Variants in CRACD observed in about 807,000 individuals in gnomAD.
CRACD encodes capping protein inhibiting regulator of actin dynamics, also known as capping protein-inhibiting regulator of actin dynamics.
A neutral mutation model predicts 106.8 loss-of-function variants in CRACD; 56 were observed. The observed-to-expected ratio is 0.52, with a 90% CI of 0.42 to 0.66. The LOEUF is 0.66. Among genes scored for constraint, CRACD ranks in the 30% least tolerant of loss-of-function variants. The pLI is 0.00. For synonymous variants in CRACD, 754 were observed against 670.8 expected (o/e 1.12, Z -1.92); for missense variants, 1,730 against 1,623.2 (o/e 1.07, Z -1.13).
intron 1 of CRACD, among the ~76,000 whole-genome samples, chr4:56,054,321 T>C (rs1356615402): frequency 2.0e-5 from 3 of 152,082 alleles, no homozygotes; most frequent in Admixed American, 1.3e-4. Flanking sequence ...GCTGGGACCA[T>C]AGGCGCATGC....
At chr4:56,060,399 G>A (rs183535294) in intron 1 of CRACD, among the ~76,000 whole-genome samples, 6 of 152,248 alleles carry the variant, frequency 3.9e-5, no homozygotes, top group African/African-American at 1.4e-4. Flanking sequence ...TAACAGGGTA[G>A]AATAAGGGAA....
intron 1 of CRACD, among the ~76,000 whole-genome samples, chr4:56,128,602 A>G (rs1734728692): frequency 6.6e-6 from 1 of 152,194 alleles, no homozygotes; most frequent in Non-Finnish European, 1.5e-5. Flanking sequence ...AAATTGATGG[A>G]TAAATGATGT....
intron 3 of CRACD, among the ~76,000 whole-genome samples, chr4:56,294,672 G>C (rs1279969965): frequency 6.6e-6 from 1 of 152,088 alleles, no homozygotes; most frequent in Non-Finnish European, 1.5e-5. Context: ...CCAGTACTTT[G>C]GGAGGCCAAG....
chr4:56,223,662 A>G (rs890765214), intron 2 of CRACD, among the ~76,000 whole-genome samples: 2 of 152,086 alleles, frequency 1.3e-5, no homozygotes, highest in East Asian at 1.9e-4. Flanking sequence ...GAAATTCTCA[A>G]ATGTATTTGG....
At chr4:56,164,012 G>A (rs151149415) in intron 1 of CRACD, among the ~76,000 whole-genome samples, 1 of 152,228 alleles carries the variant, frequency 6.6e-6, no homozygotes. Context: ...CTCCCAAAGT[G>A]CTGGGATTAC....
In CRACD at chr4:56,169,923, CAT is replaced by C. The variant is rs377055629; in HGVS notation, c.-335-9358_-335-9357del. Among the ~76,000 whole-genome samples, 474 of 152,264 alleles carry C rather than the reference CAT, an allele frequency of 3.1e-3. 5 individuals are homozygous for C. The highest frequency in any genetic ancestry group is 0.011 in the African/African-American group (464 of 41,538). On this transcript the variant is annotated intron_variant, in intron 1 of 10. Transcript: ENST00000682029. ...AAATAAAGAAGCAGATCAGTTTACT[CAT>C]ATGTAATTCAAACAACCAGCAGGGG...
intron 10 of CRACD, among the ~76,000 whole-genome samples, chr4:56,325,325 T>C (rs1746370641): frequency 6.6e-6 from 1 of 152,048 alleles, no homozygotes; most frequent in East Asian, 1.9e-4. Context: ...ACAGACTGTC[T>C]CAAAAACAAC....
At chr4:56,279,162 A>C (rs2109665639) in intron 3 of CRACD, among the ~76,000 whole-genome samples, 1 of 152,300 alleles carries the variant, frequency 6.6e-6, no homozygotes, top group Admixed American at 6.5e-5. Flanking sequence ...AAATGTGACT[A>C]CACCCACTGT....
intron 2 of CRACD, among the ~76,000 whole-genome samples, chr4:56,228,391 A>T (rs1739426971): frequency 6.6e-6 from 1 of 152,164 alleles, no homozygotes; most frequent in South Asian, 2.1e-4. Flanking sequence ...GTTAAAATAT[A>T]TAGTTCAGTC....
In CRACD at chr4:56,125,897, G is replaced by A. The variant is rs552706272; in HGVS notation, c.-335-53387G>A. 1.1e-4 allele frequency among the ~76,000 whole-genome samples: 16 copies of A among 148,968 alleles called. No homozygotes were observed. The East Asian group carries it at 1.4e-3, about 13-fold the overall frequency. On this transcript the variant is annotated intron_variant, in intron 1 of 10. Coordinates refer to ENST00000682029, the MANE Select transcript of CRACD (RefSeq NM_001393381.1). ...AGTGATTCTCCTGCCTCAGCCTCCC[G>A]AGTAGCTGGGATTACAGGTGCGTGC...
At chr4:56,097,645 A>G (rs1198257750) in intron 1 of CRACD, 6 of 152,500 alleles carry the variant, frequency 3.9e-5, no homozygotes, top group Admixed American at 2.0e-4. Flanking sequence ...GTGCAAGGAC[A>G]TGATTGTGAT....
chr4:56,195,389 T>TA (rs1213852845), intron 2 of CRACD, among the ~76,000 whole-genome samples: 1 of 152,058 alleles, frequency 6.6e-6, no homozygotes, highest in African/African-American at 2.4e-5. Context: ...GAAATGCAGA[T>TA]AAATGAATGC....
chr4:56,322,658 C>T (rs1746174833), intron 8 of CRACD, among the ~76,000 whole-genome samples: 1 of 152,158 alleles, frequency 6.6e-6, no homozygotes, highest in South Asian at 2.1e-4. Context: ...TTTCATCTTT[C>T]CAACATTGGA....
intron 2 of CRACD, among the ~76,000 whole-genome samples, chr4:56,190,110 A>G (rs1355176264): frequency 4.7e-5 from 7 of 150,200 alleles, no homozygotes; most frequent in Admixed American, 1.3e-4. Context: ...GAGAATGATG[A>G]TTTCCAATTT....
chr4:56,086,609 G>A (rs985550672), intron 1 of CRACD, among the ~76,000 whole-genome samples: 110 of 152,120 alleles, frequency 7.2e-4, no homozygotes, highest in African/African-American at 2.5e-3. Flanking sequence ...TCTAATCCAT[G>A]CAAATCCAGT....
intron 2 of CRACD, among the ~76,000 whole-genome samples, chr4:56,268,440 G>T (rs1035199217): frequency 1.5e-5 from 2 of 131,798 alleles, no homozygotes; most frequent in Admixed American, 1.5e-4. Context: ...TAGTCAAGGA[G>T]CAGTGTTGGG....
At chr4:56,256,652 A>C (rs1329990356) in intron 2 of CRACD, among the ~76,000 whole-genome samples, 5 of 152,214 alleles carry the variant, frequency 3.3e-5, no homozygotes, top group Non-Finnish European at 5.9e-5. Context: ...TGGTGTATAC[A>C]TGAGATCTGG....
At chr4:56,318,443 C>T (rs2109785563) in intron 8 of CRACD, among the ~76,000 whole-genome samples, 1 of 152,300 alleles carries the variant, frequency 6.6e-6, no homozygotes, top group East Asian at 1.9e-4. Flanking sequence ...GTGTTTGTGG[C>T]ACTGGCTTTC....
intron 5 of CRACD, among the ~76,000 whole-genome samples, chr4:56,308,428 G>A (rs181006326): frequency 1.4e-4 from 21 of 151,454 alleles, no homozygotes; most frequent in East Asian, 3.9e-4. Flanking sequence ...AACCAGTAGC[G>A]AGTCAGGAAT....
Sources: allele counts gnomAD v4.1 joint callset (sites outside exome capture counted in the v4.1 genomes callset), GRCh38; gene constraint gnomAD v4.1.1; transcripts MANE v1.5; gene names NCBI Gene and HGNC (gene_info 2026-07-23, HGNC 2026-07-21).